The following APLF variants were observed in gnomAD, a reference collection of about 807,000 sequenced individuals.
The protein encoded by APLF is aprataxin and PNKP like factor.
APLF carries 61 observed loss-of-function variants against 55.6 expected under a neutral mutation model. That is an observed-to-expected ratio of 1.10 (90% CI 0.89 to 1.36). APLF has a LOEUF of 1.36. Among genes scored for constraint, APLF ranks in the 40% most tolerant of loss-of-function variants. The pLI, the probability that APLF is intolerant of heterozygous loss-of-function variation, is 0.00. For missense variants in APLF, 611 were observed against 602.5 expected, an observed-to-expected ratio of 1.01 and a Z score of -0.15; for synonymous variants, 207 against 214.8, an observed-to-expected ratio of 0.96 and a Z score of 0.32.
chr2:68,500,686 C>G (rs1280366910), intron 2 of APLF, among the ~76,000 whole-genome samples: 3 of 152,126 alleles, frequency 2.0e-5, no homozygotes, highest in Admixed American at 6.6e-5. Context: ...GAGTTCAGAC[C>G]AAAGCTATGT....
intron 7 of APLF, among the ~76,000 whole-genome samples, chr2:68,540,034 A>G (rs1008464152): frequency 1.3e-5 from 2 of 152,190 alleles, no homozygotes; most frequent in Non-Finnish European, 2.9e-5. Flanking sequence ...TCTGGAATAC[A>G]TGTGCAGAAC....
At chr2:68,515,838 A>G (rs1413741275) in intron 5 of APLF, 8 of 667,982 alleles carry the variant, frequency 1.2e-5, no homozygotes, top group African/African-American at 3.9e-5. Context: ...AGAACAGTTT[A>G]GTACCTGAAT....
At chr2:68,497,440 T>G (rs1676582873) in intron 2 of APLF, among the ~76,000 whole-genome samples, 1 of 151,990 alleles carries the variant, frequency 6.6e-6, no homozygotes, top group Non-Finnish European at 1.5e-5. Flanking sequence ...TTGTAGCACC[T>G]CCCCCTTCTC....
chr2:68,570,134 G>A (rs1671413638), intron 9 of APLF, among the ~76,000 whole-genome samples: 2 of 151,780 alleles, frequency 1.3e-5, no homozygotes, highest in African/African-American at 4.8e-5. Flanking sequence ...TTGTAGGTTG[G>A]ACTCCTGTCA....
At chr2:68,506,730 G>A (rs1389859326) in intron 3 of APLF, among the ~76,000 whole-genome samples, 1 of 151,920 alleles carries the variant, frequency 6.6e-6, no homozygotes, top group African/African-American at 2.4e-5. Flanking sequence ...TGCTGTATGA[G>A]AATGTTTACT....
intron 9 of APLF, among the ~76,000 whole-genome samples, chr2:68,574,382 G>A (rs1025645033): frequency 6.6e-6 from 1 of 152,174 alleles, no homozygotes; most frequent in Non-Finnish European, 1.5e-5. Flanking sequence ...GTCCCACAAA[G>A]ATAATCACAT....
chr2:68,542,916 G>A (rs1670596327), intron 7 of APLF, among the ~76,000 whole-genome samples: 1 of 152,198 alleles, frequency 6.6e-6, no homozygotes, highest in Non-Finnish European at 1.5e-5. Flanking sequence ...ATTATTGAAG[G>A]AATAAAGAAA....
At chr2:68,507,740 T>C (rs1017320930) in intron 3 of APLF, among the ~76,000 whole-genome samples, 8 of 152,000 alleles carry the variant, frequency 5.3e-5, no homozygotes, top group African/African-American at 1.9e-4. Context: ...AACTGAGTGA[T>C]AATGTGATAA....
At chr2:68,515,618 G>T (rs1669558688) in intron 5 of APLF, 1 of 984,836 alleles carries the variant, frequency 1.0e-6, no homozygotes, top group Admixed American at 6.2e-5. Flanking sequence ...ACGTTTTTGG[G>T]CACTTCTCTT....
chr2:68,469,264 T>C (rs1675542090), intron 1 of APLF, among the ~76,000 whole-genome samples: 1 of 152,208 alleles, frequency 6.6e-6, no homozygotes, highest in South Asian at 2.1e-4. Flanking sequence ...AGTAATCATA[T>C]GTCTGGTGAC....
Position 68,490,209 on chromosome 2 carries a change from C to A in APLF, c.116C>A (p.Ser39Tyr). The part of the protein sequence containing the change: ...PLLGITDKRV[S>Y]RRHAILEVAG... ...GTATAGATAACAGACAAGAGAGTAT[C>A]CAGAAGACATGCCATTCTTGAGGTG... The change falls in exon 2 of 10, where the codon TCC (serine) becomes TAC (tyrosine). Residue 39 changes from serine (S) to tyrosine (Y), a missense_variant. Ser to Tyr is a moderately radical substitution (Grantham distance 144). Transcript: ENST00000303795. The A allele has an allele frequency of 6.2e-7, 1 of 1,611,098 alleles. No individual in the cohort carries two copies. Among genetic ancestry groups the A allele is most frequent in the South Asian group, 1.1e-5 (1 of 90,592 alleles).
Position 68,513,531 on chromosome 2 carries a change from T to C in APLF, c.490-17T>C. ...AGATGTGTGATTATTTTTAGTAATT[T>C]ATAGGTGTCTTTTTAGTCTTTCCTA... On this transcript the variant is annotated splice_polypyrimidine_tract_variant and intron_variant, in intron 4 of 9. Transcript: ENST00000303795. 1 of 1,607,748 alleles carries C rather than the reference T, an allele frequency of 6.2e-7. No homozygotes were observed. The highest frequency in any genetic ancestry group is 8.5e-7 in the Non-Finnish European group (1 of 1,176,970).
At chr2:68,487,921 A>T (rs1188561384) in intron 1 of APLF, among the ~76,000 whole-genome samples, 1 of 152,152 alleles carries the variant, frequency 6.6e-6, no homozygotes, top group East Asian at 1.9e-4. Flanking sequence ...CATAGCTTGT[A>T]ATGAAATTAC....
In APLF at chr2:68,528,338, T is replaced by C. The variant is rs1390552234; in HGVS notation, c.804+2096T>C. On this transcript the variant is annotated intron_variant, in intron 6 of 9. Transcript: ENST00000303795. ...CATGTTCTTACGCATGTTGCCCTGC[T>C]GGAGGCGTCCTTCTCTTTGGGAAGC... 8 of 1,500,930 alleles carry C rather than the reference T, an allele frequency of 5.3e-6. No homozygotes were observed. In the South Asian group the frequency reaches 8.4e-5, roughly 16 times the overall value. The allele number at this position is 1,500,930 out of a possible 1,614,324, so 93.0% of individuals were successfully genotyped here.
rs1368038374 is a variant in APLF, at chr2:68,537,981, C to T, written c.914C>T (p.Ser305Phe). The change falls in exon 7 of 10, where the codon TCT becomes TTT. Residue 305 changes from serine (S) to phenylalanine (F), a missense_variant. Coordinates refer to ENST00000303795, the MANE Select transcript of APLF (RefSeq NM_173545.3). ...CCAATAGAGGAACTTGGTAAAGTTT[C>T]TAAACATAAAATTGCCACTAAAAGA... ...KLPIEELGKV[S>F]KHKIATKRTP... The T allele has an allele frequency of 1.2e-6, 2 of 1,613,890 alleles. No homozygotes were observed. Among genetic ancestry groups the T allele is most frequent in the Non-Finnish European group, 1.7e-6 (2 of 1,179,922 alleles).
intron 3 of APLF, among the ~76,000 whole-genome samples, chr2:68,503,478 T>A (rs1558534192): frequency 6.6e-6 from 1 of 152,122 alleles, no homozygotes; most frequent in African/African-American, 2.4e-5. Context: ...AAACTAGACT[T>A]ATAGAAGTAG....
At chr2:68,551,711 T>C (rs564401893) in intron 8 of APLF, among the ~76,000 whole-genome samples, 70 of 151,858 alleles carry the variant, frequency 4.6e-4, no homozygotes, top group African/African-American at 1.7e-3. Context: ...ATCTTAGTTC[T>C]TTTAATGTTC....
rs757676015 is a variant in APLF, at chr2:68,492,335, G to A, written c.168+2074G>A. 4.6e-5 allele frequency among the ~76,000 whole-genome samples: 7 copies of A among 152,120 alleles called. No individual in the cohort carries two copies. The South Asian group carries it at 6.2e-4, about 14-fold the overall frequency. On this transcript the variant is annotated intron_variant, in intron 2 of 9. Transcript: ENST00000303795. ...CTACTAAAAATACAAAAAATTAGCC[G>A]GGCACGGTGGTGGGCGCCTGTAGTC...
At chr2:68,485,138 A>T (rs886464931) in intron 1 of APLF, among the ~76,000 whole-genome samples, 8 of 152,128 alleles carry the variant, frequency 5.3e-5, no homozygotes, top group African/African-American at 1.9e-4. Context: ...CTGTGCCATA[A>T]ATTTTAATAT....
Sources: gnomAD v4.1 joint callset for allele counts (sites outside exome capture counted in the v4.1 genomes callset) on GRCh38, gnomAD v4.1.1 for gene constraint, MANE v1.5 for transcripts, NCBI Gene and HGNC (gene_info 2026-07-23, HGNC 2026-07-21) for gene names.